BMPER: variants seen among roughly 807,000 people sequenced by gnomAD.
BMPER encodes the protein BMP-binding endothelial regulator protein.
A neutral mutation model predicts 87.3 loss-of-function variants in BMPER; 45 were observed. The ratio of observed to expected loss-of-function variants is 0.52; its 90% CI spans 0.41 to 0.66. The LOEUF is 0.66. Among genes scored for constraint, BMPER ranks in the 30% least tolerant of loss-of-function variants. The pLI, the probability that BMPER is intolerant of heterozygous loss-of-function variation, is 0.00. For synonymous variants in BMPER, 326 were observed against 316.2 expected, an observed-to-expected ratio of 1.03 and a Z score of -0.33; for missense variants, 784 against 867.5, an observed-to-expected ratio of 0.90 and a Z score of 1.21.
At chr7:33,979,694 A>T (rs1239356301) in intron 6 of BMPER, among the ~76,000 whole-genome samples, 1 of 151,980 alleles carries the variant, frequency 6.6e-6, no homozygotes, top group Non-Finnish European at 1.5e-5. Context: ...CACCCTAGGG[A>T]GTTGTGTGGG....
chr7:34,144,194 C>G (rs1207715822), intron 14 of BMPER, among the ~76,000 whole-genome samples: 1 of 151,860 alleles, frequency 6.6e-6, no homozygotes, highest in Non-Finnish European at 1.5e-5. Context: ...GCAGAGGAAA[C>G]ATGTTTGATG....
chr7:34,102,213 G>C (rs1055442090), intron 13 of BMPER, among the ~76,000 whole-genome samples: 3 of 152,090 alleles, frequency 2.0e-5, no homozygotes, highest in African/African-American at 7.2e-5. Context: ...CCTCCTCCCA[G>C]TTCCTCATGG....
chr7:34,001,719 T>C (rs369163142), intron 6 of BMPER, among the ~76,000 whole-genome samples: 1 of 151,890 alleles, frequency 6.6e-6, no homozygotes, highest in Non-Finnish European at 1.5e-5. Flanking sequence ...TCTGGTGACT[T>C]TAAGGTTTAG....
intron 13 of BMPER, among the ~76,000 whole-genome samples, chr7:34,134,422 A>AGACC (rs1260133509): frequency 6.6e-6 from 1 of 152,108 alleles, no homozygotes; most frequent in Non-Finnish European, 1.5e-5. Flanking sequence ...CCAGCTCCTG[A>AGACC]GACCATCTTG....
intron 6 of BMPER, among the ~76,000 whole-genome samples, chr7:34,017,743 G>A (rs567840875): frequency 6.6e-6 from 1 of 151,120 alleles, no homozygotes; most frequent in African/African-American, 2.4e-5. Flanking sequence ...CAGGGTGTAA[G>A]AATCTACACT....
chr7:34,119,010 TCTCTCA>T (rs1013785240), intron 13 of BMPER, among the ~76,000 whole-genome samples: 2 of 33,968 alleles, frequency 5.9e-5, no homozygotes, highest in Admixed American at 3.9e-4. Context: ...TCTCTCTCTC[TCTCTCA>T]CACACACACA....
At chr7:33,960,830 G>C (rs1785251568) in intron 3 of BMPER, among the ~76,000 whole-genome samples, 1 of 152,150 alleles carries the variant, frequency 6.6e-6, no homozygotes, top group African/African-American at 2.4e-5. Flanking sequence ...CTGTATGTTG[G>C]TGCCTAGTAT....
intron 13 of BMPER, among the ~76,000 whole-genome samples, chr7:34,112,755 T>C (rs2127986655): frequency 6.6e-6 from 1 of 151,904 alleles, no homozygotes; most frequent in Admixed American, 6.5e-5. Context: ...TTTTTCTTTT[T>C]TTCTTCATAT....
At chr7:33,969,362 G>A (rs372901715) in intron 4 of BMPER, among the ~76,000 whole-genome samples, 1 of 152,154 alleles carries the variant, frequency 6.6e-6, no homozygotes, top group African/African-American at 2.4e-5. Flanking sequence ...GGTGATTAGA[G>A]TCCCAATATC....
intron 12 of BMPER, among the ~76,000 whole-genome samples, chr7:34,082,964 G>T (rs538637523): frequency 6.6e-6 from 1 of 152,250 alleles, no homozygotes; most frequent in East Asian, 1.9e-4. Context: ...CTCTTGCTGG[G>T]CAGCTGCCTA....
intron 6 of BMPER, among the ~76,000 whole-genome samples, chr7:34,010,104 C>G (rs1243145296): frequency 6.6e-6 from 1 of 151,904 alleles, no homozygotes; most frequent in Non-Finnish European, 1.5e-5. Context: ...TCCTTCAAAC[C>G]TGCCATGTCT....
chr7:34,065,194 TAC>T (rs1218035355), intron 11 of BMPER, among the ~76,000 whole-genome samples: 13 of 34,710 alleles, frequency 3.7e-4, no homozygotes, highest in East Asian at 6.0e-4. Flanking sequence ...CACACACACA[TAC>T]ACACTCACTC....
At chr7:34,012,281 A>G (rs1459661233) in intron 6 of BMPER, among the ~76,000 whole-genome samples, 2 of 151,860 alleles carry the variant, frequency 1.3e-5, no homozygotes, top group Non-Finnish European at 2.9e-5. Context: ...CTTCAATGCA[A>G]CCTCTTACAA....
intron 13 of BMPER, among the ~76,000 whole-genome samples, chr7:34,118,644 T>A (rs1196495403): frequency 6.6e-6 from 1 of 152,178 alleles, no homozygotes; most frequent in East Asian, 1.9e-4. Flanking sequence ...TATTTAGTTT[T>A]GTGTGCCAAT....
chr7:34,136,308 A>G (rs1208168497), intron 13 of BMPER, among the ~76,000 whole-genome samples: 1 of 152,212 alleles, frequency 6.6e-6, no homozygotes, highest in East Asian at 1.9e-4. Context: ...TGGAAGGATA[A>G]GAATGAGTGT....
chr7:33,991,568 C>A (rs951158428), intron 6 of BMPER, among the ~76,000 whole-genome samples: 5 of 152,124 alleles, frequency 3.3e-5, no homozygotes, highest in East Asian at 1.9e-4. Context: ...AAAAAACCAG[C>A]TCCTGGATTC....
intron 6 of BMPER, among the ~76,000 whole-genome samples, chr7:34,031,743 G>C (rs1216434092): frequency 6.6e-6 from 1 of 151,510 alleles, no homozygotes; most frequent in Admixed American, 6.6e-5. Flanking sequence ...GCACATTGTT[G>C]CATATAATTT....
At chr7:34,053,255 G>C (rs1788192470) in intron 8 of BMPER, among the ~76,000 whole-genome samples, 1 of 152,100 alleles carries the variant, frequency 6.6e-6, no homozygotes, top group Non-Finnish European at 1.5e-5. Context: ...AGTCATCTTG[G>C]GGATATTAAA....
intron 6 of BMPER, among the ~76,000 whole-genome samples, chr7:34,021,488 T>G (rs1021937409): frequency 6.6e-6 from 1 of 152,060 alleles, no homozygotes; most frequent in Non-Finnish European, 1.5e-5. Context: ...TTGCTTAGTT[T>G]TCACAGAAAC....
Sources: allele counts gnomAD v4.1 joint callset (sites outside exome capture counted in the v4.1 genomes callset), GRCh38; gene constraint gnomAD v4.1.1; transcripts MANE v1.5; gene names NCBI Gene and HGNC (gene_info 2026-07-23, HGNC 2026-07-21).